TSHZ2: variants seen among roughly 807,000 people sequenced by gnomAD.
TSHZ2 encodes the protein teashirt homolog 2.
TSHZ2 carries 21 observed loss-of-function variants against 74.4 expected under a neutral mutation model. The ratio of observed to expected loss-of-function variants is 0.28; its 90% CI spans 0.20 to 0.41. The LOEUF is 0.41. Ranked by LOEUF, TSHZ2 falls within the 10% of genes least tolerant of loss-of-function variation. The pLI, the probability that TSHZ2 is intolerant of heterozygous loss-of-function variation, is 1.00. For missense variants in TSHZ2, 1,244 were observed against 1,293.5 expected, an observed-to-expected ratio of 0.96 and a Z score of 0.59; for synonymous variants, 540 against 515.3, an observed-to-expected ratio of 1.05 and a Z score of -0.65.
chr20:53,429,741 C>T (rs539059511), intron 2 of TSHZ2, among the ~76,000 whole-genome samples: 1 of 151,978 alleles, frequency 6.6e-6, no homozygotes, highest in Non-Finnish European at 1.5e-5. Context: ...TACCCTTGAC[C>T]CTGAAGGTAC....
chr20:53,396,930 A>G (rs1165916194), intron 2 of TSHZ2, among the ~76,000 whole-genome samples: 1 of 152,142 alleles, frequency 6.6e-6, no homozygotes, highest in African/African-American at 2.4e-5. Context: ...ACATGTAGAA[A>G]GCTGAAACTG....
intron 1 of TSHZ2, among the ~76,000 whole-genome samples, chr20:53,062,462 C>T (rs1984853194): frequency 6.6e-6 from 1 of 152,224 alleles, no homozygotes; most frequent in African/African-American, 2.4e-5. Flanking sequence ...TGGTGAGTTA[C>T]AACATATACC....
chr20:52,992,549 G>T (rs1019907945), intron 1 of TSHZ2, among the ~76,000 whole-genome samples: 1 of 152,124 alleles, frequency 6.6e-6, no homozygotes, highest in Non-Finnish European at 1.5e-5. Flanking sequence ...GATCAGCAGG[G>T]CAGCCCTTCT....
chr20:53,235,085 G>T (rs1160553389), intron 1 of TSHZ2, among the ~76,000 whole-genome samples: 2 of 147,388 alleles, frequency 1.4e-5, no homozygotes, highest in Non-Finnish European at 3.0e-5. Flanking sequence ...AGAAAGTTGA[G>T]GTGGAAGATG....
intron 1 of TSHZ2, among the ~76,000 whole-genome samples, chr20:53,022,617 C>G (rs368781117): frequency 1.3e-5 from 2 of 152,134 alleles, no homozygotes; most frequent in African/African-American, 4.8e-5. Flanking sequence ...CCTAAGAATG[C>G]TTATAATGTA....
chr20:53,319,166 C>A (rs1263024890), intron 2 of TSHZ2, among the ~76,000 whole-genome samples: 1 of 152,204 alleles, frequency 6.6e-6, no homozygotes, highest in African/African-American at 2.4e-5. Flanking sequence ...CATATGCATT[C>A]ACTCATTTCG....
chr20:52,981,908 T>TGG (rs1981583013), intron 1 of TSHZ2, among the ~76,000 whole-genome samples: 1 of 152,248 alleles, frequency 6.6e-6, no homozygotes, highest in Non-Finnish European at 1.5e-5. Flanking sequence ...GCTGTTCTAC[T>TGG]ACCTGGACCT....
chr20:53,302,652 A>G (rs1477401574), intron 2 of TSHZ2, among the ~76,000 whole-genome samples: 4 of 152,306 alleles, frequency 2.6e-5, no homozygotes, highest in South Asian at 4.2e-4. Flanking sequence ...AGTTTCACTG[A>G]CAATTAAATG....
chr20:53,127,570 G>T (rs1986981594), intron 1 of TSHZ2, among the ~76,000 whole-genome samples: 1 of 152,160 alleles, frequency 6.6e-6, no homozygotes, highest in African/African-American at 2.4e-5. Context: ...GAAAGAATGG[G>T]CTACTTTGGG....
intron 1 of TSHZ2, among the ~76,000 whole-genome samples, chr20:53,224,171 A>C (rs771980599): frequency 6.6e-6 from 1 of 152,264 alleles, no homozygotes; most frequent in African/African-American, 2.4e-5. Context: ...AAATGTTTTG[A>C]GTATAATGTC....
At chr20:53,265,092 G>A (rs778531501) in intron 2 of TSHZ2, among the ~76,000 whole-genome samples, 17 of 152,062 alleles carry the variant, frequency 1.1e-4, no homozygotes, top group Non-Finnish European at 2.5e-4. Context: ...AGCAAGGGGA[G>A]AGCATTGAAA....
intron 1 of TSHZ2, among the ~76,000 whole-genome samples, chr20:53,122,875 A>G (rs924846214): frequency 6.6e-6 from 1 of 152,102 alleles, no homozygotes; most frequent in African/African-American, 2.4e-5. Context: ...CTCAACCCCC[A>G]CTTCTGATTA....
intron 1 of TSHZ2, among the ~76,000 whole-genome samples, chr20:53,112,338 C>T (rs999136737): frequency 7.2e-5 from 11 of 152,278 alleles, no homozygotes; most frequent in Admixed American, 4.6e-4. Flanking sequence ...AACCACAGAG[C>T]CCCTTCTGAG....
rs534141965 is a variant in TSHZ2, at chr20:53,326,863, G to C, written c.*8+70292G>C. Reference sequence around the variant, plus strand: ...TCTTACACTACCTGCCTTGCAAACTGGCGAAAATTAGCAGGTCTACAATTA... The same window carrying C: ...TCTTACACTACCTGCCTTGCAAACTCGCGAAAATTAGCAGGTCTACAATTA... On this transcript the variant is annotated intron_variant, in intron 2 of 2. Coordinates refer to ENST00000371497, the MANE Select transcript of TSHZ2 (RefSeq NM_173485.6). 2.6e-5 allele frequency among the ~76,000 whole-genome samples: 4 copies of C among 152,264 alleles called. No individual in the cohort carries two copies. The South Asian group carries it at 8.3e-4, about 32-fold the overall frequency.
chr20:53,451,495 C>G lies in TSHZ2; in HGVS notation c.*9-35649C>G, dbSNP rs1241484598. Among the ~76,000 whole-genome samples the G allele has an allele frequency of 9.2e-5, 14 of 152,346 alleles. 1 individual carries two copies. The East Asian group carries it at 2.5e-3, about 27-fold the overall frequency. Reference sequence around the variant, plus strand: ...TCTTTTAGCTCTTGAACAAGCCAAACTGCTTCCTGCCTCAGGACCAGATAT... The same window carrying G: ...TCTTTTAGCTCTTGAACAAGCCAAAGTGCTTCCTGCCTCAGGACCAGATAT... On this transcript the variant is annotated intron_variant, in intron 2 of 2. Coordinates refer to ENST00000371497, the MANE Select transcript of TSHZ2 (RefSeq NM_173485.6).
intron 2 of TSHZ2, among the ~76,000 whole-genome samples, chr20:53,409,834 CTTTTTTTTTTTTT>C (rs71194475): frequency 6.1e-5 from 3 of 49,338 alleles, no homozygotes; most frequent in South Asian, 1.2e-3. Flanking sequence ...GTTTTCTTTT[CTTTTTTTTTTTTT>C]TTTTTTTTTT....
chr20:53,416,231 T>A (rs139817449), intron 2 of TSHZ2, among the ~76,000 whole-genome samples: 136 of 152,216 alleles, frequency 8.9e-4, no homozygotes, highest in African/African-American at 3.1e-3. Context: ...AGAGGGCGAT[T>A]TGGGTGTTAG....
At chr20:53,037,286 C>G (rs1046747577) in intron 1 of TSHZ2, among the ~76,000 whole-genome samples, 1 of 152,158 alleles carries the variant, frequency 6.6e-6, no homozygotes, top group Non-Finnish European at 1.5e-5. Flanking sequence ...TTATTCTGCA[C>G]ACAATAAAAC....
At chr20:53,031,290 G>A (rs764855497) in intron 1 of TSHZ2, among the ~76,000 whole-genome samples, 1 of 152,168 alleles carries the variant, frequency 6.6e-6, no homozygotes, top group Non-Finnish European at 1.5e-5. Flanking sequence ...CCTCTCTGAT[G>A]TAAATCAAAA....
Sources: allele counts gnomAD v4.1 joint callset (sites outside exome capture counted in the v4.1 genomes callset), GRCh38; gene constraint gnomAD v4.1.1; transcripts MANE v1.5; gene names NCBI Gene and HGNC (gene_info 2026-07-23, HGNC 2026-07-21).